The following GNB5 variants were observed in gnomAD, a reference collection of about 807,000 sequenced individuals.
GNB5 encodes the protein guanine nucleotide-binding protein subunit beta-5.
A neutral mutation model predicts 55.3 loss-of-function variants in GNB5; 37 were observed. The observed-to-expected ratio is 0.67, with a 90% CI of 0.51 to 0.88. GNB5 has a LOEUF of 0.88. Ranked by LOEUF, GNB5 falls within the 40% of genes least tolerant of loss-of-function variation. The pLI, the probability that GNB5 is intolerant of heterozygous loss-of-function variation, is 0.00. For missense variants in GNB5, 476 were observed against 515.3 expected (o/e 0.92, Z 0.74); for synonymous variants, 219 against 198.5 (o/e 1.10, Z -0.87).
In GNB5 at chr15:52,152,636, T is replaced by TC. The variant is rs66866642; in HGVS notation, c.375+1303_375+1304insG. On this transcript the variant is annotated intron_variant, in intron 4 of 12. Transcript: ENST00000261837. ...CACCATGCCTGGCTGAATATCTCTC[T>TC]TTTTTTTTTTTTGAGACAGGGTCTC... Among the ~76,000 whole-genome samples, 9 of 102,784 alleles carry TC rather than the reference T, an allele frequency of 8.8e-5. No homozygotes were observed. In the Admixed American group the frequency reaches 1.0e-3, roughly 12 times the overall value. 67.4% of individuals were successfully genotyped at this position (102,784 alleles called of 152,430 possible). A position where few individuals can be genotyped will look rare whatever the true frequency, so the allele number is the denominator to read the frequency against.
chr15:52,162,952 G>A (rs1393956087), intron 3 of GNB5: 1 of 152,210 alleles, frequency 6.6e-6, no homozygotes, highest in Admixed American at 6.5e-5. Flanking sequence ...ACGGAATGGC[G>A]AGTGAATTCT....
intron 3 of GNB5, among the ~76,000 whole-genome samples, chr15:52,156,500 G>A (rs1042059759): frequency 2.1e-4 from 32 of 152,374 alleles, no homozygotes; most frequent in African/African-American, 7.7e-4. Context: ...GGGAGGCCAA[G>A]GTAGGTGGAC....
chr15:52,148,796 T>C (rs1428015507), intron 5 of GNB5, among the ~76,000 whole-genome samples: 1 of 152,196 alleles, frequency 6.6e-6, no homozygotes, highest in Non-Finnish European at 1.5e-5. Flanking sequence ...CCAAGAATAA[T>C]CTACTGCTCT....
intron 7 of GNB5, chr15:52,139,677 C>T: frequency 2.1e-6 from 1 of 481,020 alleles, no homozygotes; most frequent in Non-Finnish European, 3.2e-6. Context: ...GAGCCAAGAT[C>T]CAATCCTGCT....
intron 5 of GNB5, among the ~76,000 whole-genome samples, chr15:52,149,009 G>A (rs1167272644): frequency 6.6e-6 from 1 of 152,234 alleles, no homozygotes; most frequent in African/African-American, 2.4e-5. Context: ...GAGAGATGAA[G>A]GCTTCCAAGG....
At chr15:52,143,767 G>C (rs1469528278) in intron 6 of GNB5, 1 of 152,246 alleles carries the variant, frequency 6.6e-6, no homozygotes, top group Non-Finnish European at 1.5e-5. Flanking sequence ...CACAGTCATG[G>C]TTGGGAAACA....
At chr15:52,181,531 G>A (rs2034769311) in intron 2 of GNB5, among the ~76,000 whole-genome samples, 1 of 152,042 alleles carries the variant, frequency 6.6e-6, no homozygotes, top group African/African-American at 2.4e-5. Flanking sequence ...CACGAGAATC[G>A]CTTGAACCCT....
rs2033430924 is a variant in GNB5, at chr15:52,126,400, G to A, written c.913-356C>T. Among the ~76,000 whole-genome samples, 4 of 152,102 alleles carry A rather than the reference G, an allele frequency of 2.6e-5. No homozygotes were observed. The South Asian group carries it at 8.3e-4, about 32-fold the overall frequency. On this transcript the variant is annotated intron_variant, in intron 10 of 12. Coordinates refer to ENST00000261837, the MANE Select transcript of GNB5 (RefSeq NM_016194.4). ...AAAATGTAAACAGAAGGAAATGAAG[G>A]TCACCCTAAATCCTAGAGGTATTTA...
intron 3 of GNB5, among the ~76,000 whole-genome samples, chr15:52,171,342 A>T (rs907177627): frequency 1.3e-5 from 2 of 152,202 alleles, no homozygotes; most frequent in Admixed American, 1.3e-4. Flanking sequence ...TAAGCTTATA[A>T]ATATATACAC....
intron 3 of GNB5, among the ~76,000 whole-genome samples, chr15:52,161,273 G>A (rs141720714): frequency 1.3e-5 from 2 of 152,200 alleles, no homozygotes; most frequent in East Asian, 1.9e-4. Context: ...CTTAGTCCAG[G>A]AGACATCCTA....
intron 2 of GNB5, 111 bp from the exon 3 acceptor site, chr15:52,179,990 G>C (rs1359817740): frequency 7.8e-7 from 1 of 1,283,656 alleles, no homozygotes; most frequent in Non-Finnish European, 9.8e-7. Context: ...CCGCGGCCCC[G>C]CCCTCCGCGA....
intron 4 of GNB5, among the ~76,000 whole-genome samples, chr15:52,152,159 C>T (rs770086466): frequency 2.7e-5 from 4 of 148,784 alleles, no homozygotes; most frequent in Non-Finnish European, 4.4e-5. Flanking sequence ...TCCTATCAAA[C>T]GCAAAACTGA....
At chr15:52,177,142 C>A (rs2034667562) in intron 3 of GNB5, among the ~76,000 whole-genome samples, 2 of 143,060 alleles carry the variant, frequency 1.4e-5, no homozygotes, top group South Asian at 4.5e-4. Context: ...TTAAGCTATT[C>A]TCCTGCCTCA....
chr15:52,122,438 G>A lies in GNB5; in HGVS notation c.*319C>T. The A allele has an allele frequency of 3.2e-6, 1 of 315,124 alleles. No individual in the cohort carries two copies. Among genetic ancestry groups the A allele is most frequent in the Non-Finnish European group, 5.9e-6 (1 of 170,880 alleles). 19.5% of individuals were successfully genotyped at this position (315,124 alleles called of 1,614,324 possible). On this transcript the variant is annotated 3_prime_UTR_variant, in exon 13 of 13. Transcript: ENST00000261837. ...AGAAATAATATGGAATATATTAACT[G>A]CTGAATTCTACTGGTGACAGAATGA... is the stretch of plus-strand genomic sequence containing the variant.
In GNB5 at chr15:52,133,426, T is replaced by G. The variant is rs2033628587; in HGVS notation, c.815A>C (p.Gln272Pro). 1 of 1,613,536 alleles carries G rather than the reference T, an allele frequency of 6.2e-7. No homozygotes were observed. Among genetic ancestry groups the G allele is most frequent in the African/African-American group, 1.3e-5 (1 of 75,054 alleles). Residue 272 changes from glutamine (Q) to proline (P), a missense_variant, in exon 9 of 13, where the codon CAG becomes CCG. Transcript: ENST00000261837. ...ATGTGTTTCAAAGGCCTGCACGCAC[T>G]GGCCGGAGCGCATGTCCCACACCAT... ...KAMVWDMRSG[Q>P]CVQAFETHES...
At chr15:52,138,076 T>G in intron 7 of GNB5, 1 of 611,450 alleles carries the variant, frequency 1.6e-6, no homozygotes, top group South Asian at 1.5e-5. Context: ...TTTCCCTTTT[T>G]CTTCCCCTCT....
chr15:52,128,633 C>A (rs2033491100), intron 9 of GNB5: 22 of 492,188 alleles, frequency 4.5e-5, no homozygotes, highest in South Asian at 3.2e-4. Flanking sequence ...TCTGCACTGA[C>A]CATTTACTAC....
At chr15:52,175,337 C>A (rs566032647) in intron 3 of GNB5, among the ~76,000 whole-genome samples, 2 of 152,320 alleles carry the variant, frequency 1.3e-5, no homozygotes, top group South Asian at 4.1e-4. Context: ...TCCCAATTCA[C>A]AGGAAACCAT....
In GNB5 at chr15:52,117,117, A is replaced by G. The variant is rs1352877153; in HGVS notation, c.*5640T>C. On this transcript the variant is annotated 3_prime_UTR_variant, in exon 13 of 13. Coordinates refer to ENST00000261837, the MANE Select transcript of GNB5 (RefSeq NM_016194.4). ...ATATATATATATTTTTTTTTAGTAC[A>G]GACAGGGTTTCACCGTGTTAGCCAG... The G allele has an allele frequency of 1.3e-5, 1 of 76,624 alleles. No homozygotes were observed. Among genetic ancestry groups the G allele is most frequent in the Non-Finnish European group, 2.2e-5 (1 of 46,204 alleles). 4.7% of individuals were successfully genotyped at this position (76,624 alleles called of 1,614,324 possible).
Sources: gnomAD v4.1 joint callset for allele counts (sites outside exome capture counted in the v4.1 genomes callset) on GRCh38, gnomAD v4.1.1 for gene constraint, MANE v1.5 for transcripts, NCBI Gene and HGNC (gene_info 2026-07-23, HGNC 2026-07-21) for gene names.